Variants in ENOX2 observed in about 807,000 individuals in gnomAD.
ENOX2 encodes APK1 antigen.
ENOX2 carries 36 observed loss-of-function variants against 45.0 expected under a neutral mutation model. That is an observed-to-expected ratio of 0.80 (90% confidence interval 0.61 to 1.06). The LOEUF (loss-of-function observed/expected upper bound fraction) is 1.06, where lower values mean the gene tolerates loss of function less well. Ranked by LOEUF, ENOX2 falls within the 50% of genes least tolerant of loss-of-function variation. ENOX2 has a pLI of 0.00. For missense variants in ENOX2, 423 were observed against 462.5 expected (o/e 0.91, Z 0.78); for synonymous variants, 174 against 152.3 (o/e 1.14, Z -1.05).
At chrX:130,837,250 G>T (rs1211200034) in intron 2 of ENOX2, among the ~76,000 whole-genome samples, 1 of 111,481 alleles carries the variant, frequency 9.0e-6, no homozygotes, top group Non-Finnish European at 1.9e-5. Context: ...CCTTGGAATG[G>T]CTTCTCTCCA....
intron 10 of ENOX2, among the ~76,000 whole-genome samples, chrX:130,654,912 A>G (rs2036507135): frequency 8.9e-6 from 1 of 112,011 alleles, no homozygotes; most frequent in African/African-American, 3.3e-5. Context: ...ATTCAATCTG[A>G]GTCTCCCATA....
intron 2 of ENOX2, among the ~76,000 whole-genome samples, chrX:130,889,301 G>C (rs1029967791): frequency 2.7e-5 from 3 of 111,779 alleles, no homozygotes; most frequent in African/African-American, 9.8e-5. Context: ...AGAAAGGTGG[G>C]GGATAGAGCA....
chrX:130,728,357 T>C (rs1364095312), intron 3 of ENOX2, among the ~76,000 whole-genome samples: 1 of 111,466 alleles, frequency 9.0e-6, no homozygotes, highest in Non-Finnish European at 1.9e-5. Flanking sequence ...CCTGACACTA[T>C]AGAGGGTGGA....
chrX:130,684,280 CA>C (rs899294196), intron 5 of ENOX2, among the ~76,000 whole-genome samples: 1 of 112,153 alleles, frequency 8.9e-6, no homozygotes, highest in Non-Finnish European at 1.9e-5. Context: ...GCTTTACACA[CA>C]AGGAGGTTGA....
At chrX:130,899,996 G>T (rs768180289) in intron 2 of ENOX2, among the ~76,000 whole-genome samples, 15 of 111,934 alleles carry the variant, frequency 1.3e-4, no homozygotes, top group African/African-American at 4.5e-4. Flanking sequence ...CTCCGCTCAC[G>T]TCACTACTCT....
chrX:130,767,711 T>A (rs943749466), intron 3 of ENOX2, among the ~76,000 whole-genome samples: 6 of 112,285 alleles, frequency 5.3e-5, no homozygotes, highest in Non-Finnish European at 1.1e-4. Flanking sequence ...GACTAGAAGA[T>A]CTGGGTAGCC....
intron 3 of ENOX2, among the ~76,000 whole-genome samples, chrX:130,725,699 T>C (rs1348106629): frequency 1.8e-5 from 2 of 110,779 alleles, no homozygotes; most frequent in African/African-American, 6.6e-5. Flanking sequence ...CATCTAGTGT[T>C]AAGTTTTGTT....
intron 9 of ENOX2, among the ~76,000 whole-genome samples, chrX:130,658,993 A>G (rs188287819): frequency 8.9e-6 from 1 of 112,188 alleles, no homozygotes; most frequent in East Asian, 2.8e-4. Flanking sequence ...GTCACTTTAA[A>G]AAGGTAAGCA....
At chrX:130,701,672 A>G (rs1241192408) in intron 4 of ENOX2, among the ~76,000 whole-genome samples, 1 of 111,533 alleles carries the variant, frequency 9.0e-6, no homozygotes, top group Non-Finnish European at 1.9e-5. Context: ...AGTGAAAGAA[A>G]CAGGCTTGGA....
chrX:130,847,629 C>G (rs1350075273), intron 2 of ENOX2, among the ~76,000 whole-genome samples: 2 of 112,068 alleles, frequency 1.8e-5, no homozygotes, highest in Non-Finnish European at 3.8e-5. Context: ...CTATGTACAT[C>G]AACAGTATAA....
At chrX:130,662,283 G>A (rs2036712867) in intron 9 of ENOX2, among the ~76,000 whole-genome samples, 1 of 112,146 alleles carries the variant, frequency 8.9e-6, no homozygotes, top group African/African-American at 3.2e-5. Context: ...CAGTGTCTAA[G>A]CTCCCCAAAG....
At chrX:130,655,693 G>A (rs1333158002) in intron 10 of ENOX2, among the ~76,000 whole-genome samples, 1 of 111,958 alleles carries the variant, frequency 8.9e-6, no homozygotes, top group Non-Finnish European at 1.9e-5. Flanking sequence ...GGAGTGCAAT[G>A]GTGCGACCTC....
chrX:130,893,757 G>C, intron 2 of ENOX2, among the ~76,000 whole-genome samples: 1 of 111,895 alleles, frequency 8.9e-6, no homozygotes, highest in East Asian at 2.8e-4. Flanking sequence ...CCCATATCTG[G>C]ATGTGACGTT....
intron 2 of ENOX2, among the ~76,000 whole-genome samples, chrX:130,799,451 T>C (rs1165868002): frequency 9.0e-6 from 1 of 111,605 alleles, no homozygotes; most frequent in Non-Finnish European, 1.9e-5. Context: ...CTTGTAATCA[T>C]GTGAGTCCAT....
chrX:130,781,817 T>C (rs2039973445), intron 3 of ENOX2, among the ~76,000 whole-genome samples: 1 of 110,542 alleles, frequency 9.0e-6, no homozygotes, highest in African/African-American at 3.3e-5. Context: ...CTTAATTCAG[T>C]AGAAGGAGAA....
intron 3 of ENOX2, among the ~76,000 whole-genome samples, chrX:130,778,844 G>A (rs956637538): frequency 2.7e-5 from 3 of 112,400 alleles, no homozygotes; most frequent in African/African-American, 9.7e-5. Context: ...AAAGACAATG[G>A]AAATAGGACT....
intron 9 of ENOX2, among the ~76,000 whole-genome samples, chrX:130,663,827 T>C (rs916784439): frequency 9.0e-6 from 1 of 111,627 alleles, no homozygotes; most frequent in Non-Finnish European, 1.9e-5. Flanking sequence ...CGTGTGAAAC[T>C]CCCCTCCTCC....
At chrX:130,862,569 A>ATG (rs2078425500) in intron 2 of ENOX2, among the ~76,000 whole-genome samples, 1 of 105,537 alleles carries the variant, frequency 9.5e-6, no homozygotes, top group African/African-American at 3.4e-5. Context: ...GACTCTGAGT[A>ATG]TGTGTGTGAG....
intron 2 of ENOX2, among the ~76,000 whole-genome samples, chrX:130,876,112 C>T (rs2078696746): frequency 9.0e-6 from 1 of 111,414 alleles, no homozygotes; most frequent in Admixed American, 9.5e-5. Flanking sequence ...TATATATATA[C>T]CAAAGAGTAA....
Sources: gnomAD v4.1 joint callset for allele counts (sites outside exome capture counted in the v4.1 genomes callset) on GRCh38, gnomAD v4.1.1 for gene constraint, MANE v1.5 for transcripts, NCBI Gene and HGNC (gene_info 2026-07-23, HGNC 2026-07-21) for gene names.